The following MTA3 variants were observed in gnomAD, a reference collection of about 807,000 sequenced individuals.
MTA3 encodes metastasis-associated protein MTA3.
MTA3 carries 34 observed loss-of-function variants against 83.5 expected under a neutral mutation model. That is an observed-to-expected ratio of 0.41 (90% confidence interval 0.31 to 0.54). The LOEUF is 0.54. Ranked by LOEUF, MTA3 falls within the 20% of genes least tolerant of loss-of-function variation. The pLI, the probability that MTA3 is intolerant of heterozygous loss-of-function variation, is 0.33. For synonymous variants in MTA3, 303 were observed against 252.7 expected, an observed-to-expected ratio of 1.20 and a Z score of -1.89; for missense variants, 761 against 726.4, an observed-to-expected ratio of 1.05 and a Z score of -0.55.
chr2:42,683,939 T>G (rs1285815109), intron 9 of MTA3, among the ~76,000 whole-genome samples: 1 of 152,188 alleles, frequency 6.6e-6, no homozygotes, highest in Non-Finnish European at 1.5e-5. Flanking sequence ...AAATTTTTTT[T>G]TCCTCAGCTT....
intron 4 of MTA3, among the ~76,000 whole-genome samples, chr2:42,620,199 A>G (rs1190564204): frequency 6.6e-6 from 1 of 150,570 alleles, no homozygotes; most frequent in Non-Finnish European, 1.5e-5. Flanking sequence ...GCTCACTGCA[A>G]CCTCTGCCAC....
At chr2:42,560,761 C>T (rs1487844861) in intron 2 of MTA3, among the ~76,000 whole-genome samples, 4 of 151,442 alleles carry the variant, frequency 2.6e-5, no homozygotes, top group African/African-American at 7.3e-5. Context: ...AAAAAATTAG[C>T]GGGGATATGG....
intron 2 of MTA3, among the ~76,000 whole-genome samples, chr2:42,572,662 C>G (rs763941796): frequency 6.6e-6 from 1 of 152,134 alleles, no homozygotes; most frequent in Non-Finnish European, 1.5e-5. Context: ...AAGATTTGTC[C>G]GAGATGGTCG....
At chr2:42,593,403 T>C (rs1681281706) in intron 3 of MTA3, among the ~76,000 whole-genome samples, 3 of 152,122 alleles carry the variant, frequency 2.0e-5, no homozygotes, top group Admixed American at 2.0e-4. Context: ...ACATAGTCAT[T>C]ATCTATGTCA....
At chr2:42,690,239 A>T (rs1473869692) in intron 9 of MTA3, among the ~76,000 whole-genome samples, 1 of 152,236 alleles carries the variant, frequency 6.6e-6, no homozygotes, top group Non-Finnish European at 1.5e-5. Flanking sequence ...ATAAGCACTT[A>T]ATGGCAGTAC....
At chr2:42,691,901 A>G (rs1692935357) in intron 9 of MTA3, among the ~76,000 whole-genome samples, 1 of 152,168 alleles carries the variant, frequency 6.6e-6, no homozygotes, top group African/African-American at 2.4e-5. Context: ...TTGGAACTCC[A>G]TTATAAGTTA....
At position 42,729,086 on chromosome 2, in the gene MTA3, G is replaced by GTTTT. The variant is rs1216600680; in HGVS notation, c.1759+6075_1759+6078dup. On this transcript the variant is annotated intron_variant, in intron 16 of 16. Coordinates refer to ENST00000405094, the MANE Select transcript of MTA3 (RefSeq NM_001330442.2). Reference sequence around the variant, plus strand: ...TTCTTTTATTAGTTTCACAGTTTGAGTTTTTTTTTTTTTTTTTTTTTTTTT... The same window carrying GTTTT: ...TTCTTTTATTAGTTTCACAGTTTGAGTTTTTTTTTTTTTTTTTTTTTTTTTTTTT... Among the ~76,000 whole-genome samples the GTTTT allele has an allele frequency of 3.2e-4, 19 of 60,138 alleles. 4 individuals are homozygous for GTTTT. Among genetic ancestry groups the GTTTT allele is most frequent in the African/African-American group, 4.4e-4 (7 of 16,008 alleles). The allele number at this position is 60,138 out of a possible 152,430, so 39.5% of individuals were successfully genotyped here. A position where few individuals can be genotyped will look rare whatever the true frequency, so the allele number is the denominator to read the frequency against.
chr2:42,585,118 C>T (rs1196804795), intron 3 of MTA3, among the ~76,000 whole-genome samples: 4 of 151,720 alleles, frequency 2.6e-5, no homozygotes, highest in East Asian at 1.9e-4. Flanking sequence ...GACAGAGTTT[C>T]GCTCTTGTTG....
chr2:42,500,079 G>A (rs1031471477), intron 2 of MTA3, among the ~76,000 whole-genome samples: 3 of 152,010 alleles, frequency 2.0e-5, no homozygotes, highest in Admixed American at 2.0e-4. Flanking sequence ...GACCAGCCTG[G>A]GCAACATGGT....
rs1266520614 is a variant in MTA3, at chr2:42,755,221, G to A, written c.*1822G>A. 1.0e-6 allele frequency: 1 copy of A among 985,360 alleles called. No individual in the cohort carries two copies. The highest frequency in any genetic ancestry group is 1.7e-5 in the African/African-American group (1 of 57,226). The allele number at this position is 985,360 out of a possible 1,614,324, so 61.0% of individuals were successfully genotyped here. On this transcript the variant is annotated 3_prime_UTR_variant, in exon 17 of 17. Coordinates refer to ENST00000405094, the MANE Select transcript of MTA3 (RefSeq NM_001330442.2). ...TGCTCTGGATTTATTGTCGTACTTG[G>A]ACCCAGAAGGGGAAATGATTCCCTC... is the stretch of plus-strand genomic sequence containing the variant.
intron 3 of MTA3, among the ~76,000 whole-genome samples, chr2:42,599,014 C>T (rs1018632490): frequency 6.6e-6 from 1 of 152,104 alleles, no homozygotes; most frequent in East Asian, 1.9e-4. Context: ...TTCTTGACAC[C>T]TAGGAATGTG....
At chr2:42,512,605 C>A (rs1167868756) in intron 2 of MTA3, among the ~76,000 whole-genome samples, 6 of 152,086 alleles carry the variant, frequency 3.9e-5, no homozygotes, top group African/African-American at 9.7e-5. Flanking sequence ...ACAATTAGAA[C>A]AAATGTCAGC....
At chr2:42,646,252 G>A (rs762549210) in intron 6 of MTA3, among the ~76,000 whole-genome samples, 2 of 152,214 alleles carry the variant, frequency 1.3e-5, no homozygotes, top group Non-Finnish European at 2.9e-5. Context: ...GAGCTCTGAT[G>A]GGGATGTACA....
intron 16 of MTA3, among the ~76,000 whole-genome samples, chr2:42,738,649 C>G (rs1164514455): frequency 6.6e-6 from 1 of 152,232 alleles, no homozygotes; most frequent in Non-Finnish European, 1.5e-5. Context: ...ACCTTAAACT[C>G]TGACTGCTGG....
chr2:42,650,495 A>C (rs1056533322), intron 6 of MTA3, among the ~76,000 whole-genome samples: 1 of 151,968 alleles, frequency 6.6e-6, no homozygotes, highest in Non-Finnish European at 1.5e-5. Context: ...GCTGGAGTGC[A>C]GTGGCACGAT....
intron 2 of MTA3, among the ~76,000 whole-genome samples, chr2:42,527,576 A>C (rs1017261461): frequency 6.6e-6 from 1 of 152,158 alleles, no homozygotes; most frequent in African/African-American, 2.4e-5. Flanking sequence ...TTAAAAAGCA[A>C]ATACAGACAT....
Position 42,586,136 on chromosome 2 carries a change from G to T in MTA3, c.190+6936G>T, listed in dbSNP as rs552176541. On this transcript the variant is annotated intron_variant, in intron 3 of 16. Coordinates refer to ENST00000405094, the MANE Select transcript of MTA3 (RefSeq NM_001330442.2). ...CTACTAAGAATGCAAAATTAACTGG[G>T]CATGGCAGCACATGCCTGTAATTCC... 1.6e-4 allele frequency among the ~76,000 whole-genome samples: 24 copies of T among 151,904 alleles called. 1 individual carries two copies. The highest frequency in any genetic ancestry group is 3.1e-4 in the Non-Finnish European group (21 of 68,000).
chr2:42,660,604 G>A (rs754734092), intron 8 of MTA3, among the ~76,000 whole-genome samples: 17 of 152,242 alleles, frequency 1.1e-4, no homozygotes, highest in Non-Finnish European at 2.2e-4. Context: ...GTTACTTACT[G>A]TATTTGATTC....
At chr2:42,715,489 T>A (rs1666965891) in intron 14 of MTA3, among the ~76,000 whole-genome samples, 1 of 147,768 alleles carries the variant, frequency 6.8e-6, no homozygotes, top group Non-Finnish European at 1.5e-5. Context: ...CATGGCTCAC[T>A]ATAGCCTCTA....
Sources: gnomAD v4.1 joint callset for allele counts (sites outside exome capture counted in the v4.1 genomes callset) on GRCh38, gnomAD v4.1.1 for gene constraint, MANE v1.5 for transcripts, NCBI Gene and HGNC (gene_info 2026-07-23, HGNC 2026-07-21) for gene names.